SYT14: variants seen among roughly 807,000 people sequenced by gnomAD.
The protein encoded by SYT14 is synaptotagmin-14.
In SYT14, 32 loss-of-function variants were observed where a neutral mutation model predicts 74.2. The ratio of observed to expected loss-of-function variants is 0.43; its 90% CI spans 0.33 to 0.58. SYT14 has a LOEUF of 0.58. SYT14 is among the 20% of genes least tolerant of loss of function. The pLI, the probability that SYT14 is intolerant of heterozygous loss-of-function variation, is 0.05. For missense variants in SYT14, 791 were observed against 981.8 expected, an observed-to-expected ratio of 0.81 and a Z score of 2.60; for synonymous variants, 298 against 337.7, an observed-to-expected ratio of 0.88 and a Z score of 1.29.
chr1:209,997,675 A>G (rs903985543), intron 2 of SYT14, among the ~76,000 whole-genome samples: 1 of 152,100 alleles, frequency 6.6e-6, no homozygotes, highest in Non-Finnish European at 1.5e-5. Flanking sequence ...AACAGTGGAC[A>G]CTGCAGACTA....
chr1:210,103,272 C>T lies in SYT14; in HGVS notation c.2034+2811C>T, dbSNP rs143813924. On this transcript the variant is annotated intron_variant, in intron 7 of 9. Transcript: ENST00000637265. Reference sequence around the variant, plus strand: ...TAAGATTAAAGTTTAACATTAAGGCCGGGCGCAGTGGCTCACACCTGTATT... The same window carrying T: ...TAAGATTAAAGTTTAACATTAAGGCTGGGCGCAGTGGCTCACACCTGTATT... 4.1e-3 allele frequency among the ~76,000 whole-genome samples: 624 copies of T among 152,036 alleles called. 8 individuals carry two copies. The highest frequency in any genetic ancestry group is 0.013 in the African/African-American group (546 of 41,476).
intron 7 of SYT14, among the ~76,000 whole-genome samples, chr1:210,139,095 T>A (rs961634061): frequency 6.6e-6 from 1 of 151,340 alleles, no homozygotes; most frequent in East Asian, 1.9e-4. Context: ...CTTTTATTTT[T>A]TTTTTTTTTG....
At chr1:209,966,318 C>G (rs551584501) in intron 2 of SYT14, among the ~76,000 whole-genome samples, 6 of 152,118 alleles carry the variant, frequency 3.9e-5, no homozygotes, top group Admixed American at 1.3e-4. Flanking sequence ...TCTTCCAGAC[C>G]CTTTGCACAT....
At chr1:210,155,990 ATTT>A in intron 8 of SYT14, 80 bp downstream of exon 7, 1 of 1,245,958 alleles carries the variant, frequency 8.0e-7, no homozygotes, top group Non-Finnish European at 1.2e-6. Flanking sequence ...CAATCCTATC[ATTT>A]AGTCTTAACC....
In SYT14 at chr1:210,067,000, T is replaced by C. The variant is rs72649947; in HGVS notation, c.1313-27322T>C. Among the ~76,000 whole-genome samples the C allele has an allele frequency of 0.016, 2,491 of 152,198 alleles. 197 individuals carry two copies. In the East Asian group the frequency reaches 0.25, roughly 15 times the overall value. ...GTTAATTTCTATATATAGTATAAGA[T>C]AAGGGTCTAATTTCATTCTTTTGCA... On this transcript the variant is annotated intron_variant, in intron 5 of 9. Coordinates refer to ENST00000637265, the Ensembl canonical transcript of SYT14.
chr1:210,010,645 C>T (rs1261133683), intron 2 of SYT14, among the ~76,000 whole-genome samples: 1 of 151,900 alleles, frequency 6.6e-6, no homozygotes, highest in Non-Finnish European at 1.5e-5. Flanking sequence ...TACTTACTTG[C>T]TTATAGTGGA....
At chr1:210,147,186 G>C (rs949150496) in intron 7 of SYT14, among the ~76,000 whole-genome samples, 8 of 151,628 alleles carry the variant, frequency 5.3e-5, no homozygotes, top group Non-Finnish European at 1.2e-4. Context: ...AAAAGAATAA[G>C]ACAATGTGGG....
At chr1:209,963,105 A>C (rs2079102218) in intron 2 of SYT14, among the ~76,000 whole-genome samples, 1 of 152,188 alleles carries the variant, frequency 6.6e-6, no homozygotes, top group Admixed American at 6.5e-5. Context: ...GAACAGAAAG[A>C]CTAGAATGTT....
exon 4 of SYT14, chr1:210,016,872 G>A (rs1053224946): frequency 8.1e-7 from 1 of 1,231,700 alleles, no homozygotes; most frequent in Non-Finnish European, 1.0e-6. Flanking sequence ...ATTTTGACAA[G>A]CAATAGGCAT....
chr1:210,144,611 C>T (rs2082991937), intron 7 of SYT14, among the ~76,000 whole-genome samples: 1 of 151,792 alleles, frequency 6.6e-6, no homozygotes, highest in Admixed American at 6.6e-5. Context: ...TTTCACTAAC[C>T]ACTGTTGGAA....
intron 7 of SYT14, among the ~76,000 whole-genome samples, chr1:210,100,693 G>C (rs1034338815): frequency 6.6e-6 from 1 of 152,058 alleles, no homozygotes; most frequent in Non-Finnish European, 1.5e-5. Context: ...ATCCTTCACA[G>C]AGTTTTGGCC....
chr1:210,117,074 C>A (rs1376652714), intron 7 of SYT14, among the ~76,000 whole-genome samples: 1 of 152,064 alleles, frequency 6.6e-6, no homozygotes, highest in African/African-American at 2.4e-5. Flanking sequence ...ACTTCTCAGT[C>A]AAGAGTATAA....
At chr1:210,156,993 C>A in intron 8 of SYT14, 1 of 184,946 alleles carries the variant, frequency 5.4e-6, no homozygotes, top group South Asian at 8.5e-5. Flanking sequence ...TGCGCCTGGC[C>A]CAGCTTCTTT....
intron 2 of SYT14, among the ~76,000 whole-genome samples, chr1:209,994,982 T>A (rs2079762437): frequency 6.6e-6 from 1 of 152,156 alleles, no homozygotes; most frequent in East Asian, 1.9e-4. Context: ...ATATAAGAAG[T>A]CTTTAAGGGA....
intron 2 of SYT14, among the ~76,000 whole-genome samples, chr1:209,979,097 G>A (rs144593318): frequency 0.01 from 1,580 of 152,266 alleles, 33 homozygotes; most frequent in African/African-American, 0.036. Context: ...TCCGGGTGCC[G>A]TCTGTCACCC....
Position 209,938,279 on chromosome 1 carries a change from T to C in SYT14, c.-534+2T>C. The C allele has an allele frequency of 6.4e-7, 1 of 1,559,764 alleles. No homozygotes were observed. Among genetic ancestry groups the C allele is most frequent in the Admixed American group, 1.8e-5 (1 of 55,846 alleles). On this transcript the variant is annotated splice_donor_variant, in intron 1 of 9. Transcript: ENST00000637265. LOFTEE classifies it low-confidence loss of function (5UTR_SPLICE). ...GCGAGCGCATCATGGCGATTGAAGG[T>C]AAGTGGAGGCTGACAGCGGGGAGCG...
chr1:209,938,228 C>T (rs2078664521), exon 1 of SYT14: 5 of 1,527,586 alleles, frequency 3.3e-6, no homozygotes, highest in Non-Finnish European at 3.5e-6. Context: ...TCTGCTGCCC[C>T]CGCCATCCAG....
rs536091645 is a variant in SYT14, at chr1:209,954,844, T to G, written c.-486+2088T>G. Among the ~76,000 whole-genome samples the G allele has an allele frequency of 1.8e-4, 27 of 152,210 alleles. 1 individual carries two copies. Among genetic ancestry groups the G allele is most frequent in the East Asian group, 1.4e-3 (7 of 5,174 alleles). On this transcript the variant is annotated intron_variant, in intron 2 of 9. Coordinates refer to ENST00000637265, the Ensembl canonical transcript of SYT14. ...CCTCAGCCTCCCAAGTAGCTGGGAT[T>G]ACAGGCGCATGCCACCATGCCCGGC...
At chr1:210,042,945 A>G (rs1309370982) in intron 5 of SYT14, among the ~76,000 whole-genome samples, 2 of 152,272 alleles carry the variant, frequency 1.3e-5, no homozygotes, top group African/African-American at 4.8e-5. Context: ...ACTTTGGGCA[A>G]TATGGCCATT....
Sources: gnomAD v4.1 joint callset for allele counts (sites outside exome capture counted in the v4.1 genomes callset) on GRCh38, gnomAD v4.1.1 for gene constraint, MANE v1.5 for transcripts, NCBI Gene and HGNC (gene_info 2026-07-23, HGNC 2026-07-21) for gene names.